The following SLC35F4 variants were observed in gnomAD, a reference collection of about 807,000 sequenced individuals.
SLC35F4 encodes the protein chromosome 14 open reading frame 36.
SLC35F4 carries 24 observed loss-of-function variants against 44.2 expected under a neutral mutation model. The ratio of observed to expected loss-of-function variants is 0.54; its 90% CI spans 0.39 to 0.76. The LOEUF (loss-of-function observed/expected upper bound fraction) is 0.76. SLC35F4 is among the 30% of genes least tolerant of loss of function. The pLI is 0.00. For synonymous variants in SLC35F4, 238 were observed against 223.6 expected (o/e 1.06, Z -0.57); for missense variants, 562 against 586.1 (o/e 0.96, Z 0.42).
chr14:57,936,857 G>A (rs1355281277), intron 1 of SLC35F4, among the ~76,000 whole-genome samples: 1 of 152,032 alleles, frequency 6.6e-6, no homozygotes, highest in Non-Finnish European at 1.5e-5. Context: ...AATTTTAATG[G>A]ACAAAAAGGG....
chr14:57,715,283 C>A (rs542421006), intron 1 of SLC35F4, among the ~76,000 whole-genome samples: 5 of 152,232 alleles, frequency 3.3e-5, no homozygotes, highest in African/African-American at 1.2e-4. Flanking sequence ...TGGCTAACCA[C>A]AAGTTGAATA....
intron 1 of SLC35F4, among the ~76,000 whole-genome samples, chr14:57,645,430 A>C (rs898900714): frequency 2.6e-5 from 4 of 151,768 alleles, no homozygotes; most frequent in African/African-American, 9.7e-5. Flanking sequence ...TTTGTCTGTT[A>C]TTGGTGTATA....
intron 1 of SLC35F4, among the ~76,000 whole-genome samples, chr14:57,966,737 C>A (rs1308668055): frequency 6.6e-6 from 1 of 152,142 alleles, no homozygotes; most frequent in Non-Finnish European, 1.5e-5. Context: ...AGGCTAGGTG[C>A]AGTGGTACAC....
At chr14:57,824,406 A>AAGAT (rs369437602) in intron 1 of SLC35F4, among the ~76,000 whole-genome samples, 7 of 152,204 alleles carry the variant, frequency 4.6e-5, no homozygotes, top group East Asian at 1.9e-4. Context: ...AGGTAGGTAG[A>AAGAT]AGATAGATAG....
chr14:57,893,239 A>C (rs1888806585), intron 1 of SLC35F4, among the ~76,000 whole-genome samples: 1 of 152,194 alleles, frequency 6.6e-6, no homozygotes, highest in South Asian at 2.1e-4. Flanking sequence ...CCTTTTGGCT[A>C]GCCCTCACTG....
chr14:57,668,467 T>A (rs776785950), intron 1 of SLC35F4, among the ~76,000 whole-genome samples: 1 of 152,118 alleles, frequency 6.6e-6, no homozygotes, highest in African/African-American at 2.4e-5. Context: ...GTTTTAGGTC[T>A]AACATTTAAG....
intron 1 of SLC35F4, among the ~76,000 whole-genome samples, chr14:57,794,855 T>C (rs2078017699): frequency 1.3e-5 from 2 of 152,122 alleles, no homozygotes; most frequent in African/African-American, 2.4e-5. Context: ...GAAAAAAAAC[T>C]GACCTTTTGA....
intron 1 of SLC35F4, among the ~76,000 whole-genome samples, chr14:57,737,645 C>T (rs1379714351): frequency 6.6e-6 from 1 of 152,234 alleles, no homozygotes; most frequent in African/African-American, 2.4e-5. Context: ...ACCTCAGATT[C>T]TGACATATCC....
intron 1 of SLC35F4, among the ~76,000 whole-genome samples, chr14:57,758,393 G>C (rs2077045655): frequency 6.6e-6 from 1 of 151,794 alleles, no homozygotes; most frequent in African/African-American, 2.4e-5. Context: ...ATCTTGGATA[G>C]TTTCTATTGT....
At chr14:57,825,699 C>T (rs904210587) in intron 1 of SLC35F4, among the ~76,000 whole-genome samples, 2 of 152,122 alleles carry the variant, frequency 1.3e-5, no homozygotes, top group Non-Finnish European at 2.9e-5. Context: ...GTGCAAAAAT[C>T]ACAAGTATTC....
intron 1 of SLC35F4, among the ~76,000 whole-genome samples, chr14:57,809,225 C>T (rs1881692397): frequency 6.6e-6 from 1 of 152,170 alleles, no homozygotes; most frequent in African/African-American, 2.4e-5. Context: ...ATTCTTTTCA[C>T]AAAGTTTGCA....
chr14:57,677,711 A>T (rs2074744259), intron 1 of SLC35F4, among the ~76,000 whole-genome samples: 1 of 152,070 alleles, frequency 6.6e-6, no homozygotes, highest in South Asian at 2.1e-4. Flanking sequence ...CTTCACACAT[A>T]CATATATGCA....
At chr14:57,594,645 G>A (rs889512891) in intron 1 of SLC35F4, among the ~76,000 whole-genome samples, 1 of 152,160 alleles carries the variant, frequency 6.6e-6, no homozygotes, top group African/African-American at 2.4e-5. Flanking sequence ...AATAGTTTAA[G>A]GCAAGGAAGG....
intron 1 of SLC35F4, among the ~76,000 whole-genome samples, chr14:57,710,565 T>G (rs1359910453): frequency 1.3e-5 from 2 of 151,848 alleles, no homozygotes; most frequent in African/African-American, 4.8e-5. Context: ...CCACAGATAC[T>G]CAAAGCAGTC....
intron 5 of SLC35F4, 120 bp downstream of exon 5, chr14:57,571,774 A>T (rs902801803): frequency 3.7e-6 from 5 of 1,345,092 alleles, no homozygotes; most frequent in Non-Finnish European, 4.9e-6. Flanking sequence ...TAATTTACTT[A>T]CTATTATTTC....
intron 1 of SLC35F4, among the ~76,000 whole-genome samples, chr14:57,880,464 C>A (rs1371615443): frequency 6.6e-6 from 1 of 152,088 alleles, no homozygotes; most frequent in Non-Finnish European, 1.5e-5. Flanking sequence ...TGGAGAGTTA[C>A]CTGGCAGTGC....
intron 4 of SLC35F4, 56 bp from the exon 5 acceptor site, chr14:57,572,075 C>T: frequency 1.9e-6 from 3 of 1,569,582 alleles, no homozygotes; most frequent in Non-Finnish European, 2.6e-6. Context: ...TATCCTAGAG[C>T]AGGCAATTCA....
At chr14:57,591,774 G>C (rs1414871960) in intron 2 of SLC35F4, among the ~76,000 whole-genome samples, 1 of 152,194 alleles carries the variant, frequency 6.6e-6, no homozygotes, top group Non-Finnish European at 1.5e-5. Flanking sequence ...TTTAAAAAGT[G>C]ATACTTAAGA....
At chr14:57,698,048 G>A (rs138300204) in intron 1 of SLC35F4, among the ~76,000 whole-genome samples, 3 of 152,260 alleles carry the variant, frequency 2.0e-5, no homozygotes, top group Non-Finnish European at 4.4e-5. Context: ...TTCTTCACAT[G>A]TAAAATGGGG....
Sources: allele counts gnomAD v4.1 joint callset (sites outside exome capture counted in the v4.1 genomes callset), GRCh38; gene constraint gnomAD v4.1.1; transcripts MANE v1.5; gene names NCBI Gene and HGNC (gene_info 2026-07-23, HGNC 2026-07-21).